The following CTRB2 variants were observed in gnomAD, a reference collection of about 807,000 sequenced individuals.
CTRB2 encodes chymotrypsin B2.
CTRB2 carries 9 observed loss-of-function variants against 19.3 expected under a neutral mutation model. The ratio of observed to expected loss-of-function variants is 0.47; its 90% CI spans 0.28 to 0.81. The LOEUF (loss-of-function observed/expected upper bound fraction) is 0.81, where lower values mean the gene tolerates loss of function less well. Ranked by LOEUF, CTRB2 falls within the 40% of genes least tolerant of loss-of-function variation. The probability of loss-of-function intolerance (pLI) is 0.11; values close to 1 mark genes in which losing one functional copy is unlikely to be tolerated. For missense variants in CTRB2, 210 were observed against 269.7 expected (o/e 0.78, Z 1.55); for synonymous variants, 98 against 117.3 (o/e 0.84, Z 1.06).
intron 6 of CTRB2, 76 bp from the exon 7 acceptor site, chr16:75,204,398 T>C (rs1322823457): frequency 1.4e-6 from 2 of 1,416,596 alleles, no homozygotes; most frequent in Non-Finnish European, 1.9e-6. Context: ...TGGTGGAGTC[T>C]AGGGAGGGGT....
rs1244287658 is a variant in CTRB2, at chr16:75,204,757, G to A, written c.630+16C>T. 6 of 1,299,900 alleles carry A rather than the reference G, an allele frequency of 4.6e-6. No individual in the cohort carries two copies. The African/African-American group carries it at 7.5e-5, about 16-fold the overall frequency. The allele number at this position is 1,299,900 out of a possible 1,614,324, so 80.5% of individuals were successfully genotyped here. A position where few individuals can be genotyped will look rare whatever the true frequency, so the allele number is the denominator to read the frequency against. ...CCCCGCTCGCCTGGCCAGGGCCTGG[G>A]CAGGGCCAGCCTCACCATGCAGGAG... On this transcript the variant is annotated intron_variant, in intron 6 of 6. Transcript: ENST00000303037.
At chr16:75,205,046 G>T in intron 5 of CTRB2, 140 bp from the exon 6 acceptor site, 1 of 293,924 alleles carries the variant, frequency 3.4e-6, no homozygotes, top group South Asian at 2.4e-5. Context: ...AGAAGCGCCT[G>T]TGGGACAAGG....
chr16:75,206,229 C>A (rs558976285), intron 1 of CTRB2, 36 bp from the exon 2 acceptor site: 3 of 1,538,206 alleles, frequency 2.0e-6, no homozygotes, highest in Non-Finnish European at 2.6e-6. Context: ...TGGGTACCAC[C>A]CACCCAGGTC....
rs2038868532 is a variant in CTRB2, at chr16:75,204,310, C to T, written c.643G>A (p.Gly215Ser). ...CCGTCCTTCTGGCAGACCAGGGGGC[C>T]TCCAGAGTCACCCTGCAGGAAGGAG... ...GVSSCMGDSG[G>S]PLVCQKDGAW... is the part of the protein sequence containing the mutation. The change falls in exon 7 of 7, where the codon GGC (glycine) becomes AGC (serine). Residue 215 changes from glycine (G) to serine (S), a missense_variant. Gly to Ser is a moderately conservative substitution (Grantham distance 56, BLOSUM62 0). Transcript: ENST00000303037. The T allele has an allele frequency of 5.0e-6, 8 of 1,613,888 alleles. No individual in the cohort carries two copies. Among genetic ancestry groups the T allele is most frequent in the Non-Finnish European group, 6.8e-6 (8 of 1,180,016 alleles).
intron 1 of CTRB2, chr16:75,206,628 G>A (rs1345217080): frequency 1.6e-5 from 5 of 303,252 alleles, no homozygotes; most frequent in Admixed American, 4.9e-5. Context: ...CCAGCTCTGC[G>A]CCTGGCACCC....
Position 75,205,765 on chromosome 16 carries a change from T to C in CTRB2, c.292A>G (p.Ile98Val), listed in dbSNP as rs1447135621. 2 of 832,056 alleles carry C rather than the reference T, an allele frequency of 2.4e-6. No homozygotes were observed. Among genetic ancestry groups the C allele is most frequent in the East Asian group, 2.8e-5 (1 of 35,600 alleles). The allele number at this position is 832,056 out of a possible 1,614,324, so 51.5% of individuals were successfully genotyped here. A position where few individuals can be genotyped will look rare whatever the true frequency, so the allele number is the denominator to read the frequency against. ...ACCTTGGCGATCTTCAGGACCTGGA[T>C]GTTCTCCTCGTCAGAGCCCTGGTCA... The part of the protein sequence containing the change: ...EFDQGSDEEN[I>V]QVLKIAKVFK... Residue 98 changes from isoleucine (I) to valine (V), a missense_variant, in exon 4 of 7, where the codon ATC becomes GTC. Around this residue, in one of 4 missense-constraint regions of CTRB2, gnomAD observed 6 missense variants for 63.7 expected, o/e 0.09. Transcript: ENST00000303037.
chr16:75,204,925 G>C lies in CTRB2; in HGVS notation c.497-19C>G. 1 of 914,716 alleles carries C rather than the reference G, an allele frequency of 1.1e-6. No homozygotes were observed. Among genetic ancestry groups the C allele is most frequent in the Non-Finnish European group, 1.6e-6 (1 of 631,492 alleles). The allele number at this position is 914,716 out of a possible 1,614,324, so 56.7% of individuals were successfully genotyped here. A position where few individuals can be genotyped will look rare whatever the true frequency, so the allele number is the denominator to read the frequency against. ...TTGTTGGCTGCAGGACAGGAGGAGG[G>C]TCAGGGCCCCTGGGCTCACTCAGCC... is the stretch of plus-strand genomic sequence containing the variant. On this transcript the variant is annotated intron_variant, in intron 5 of 6. Transcript: ENST00000303037.
At position 75,204,119 on chromosome 16, in the gene CTRB2, T is replaced by G. The variant is rs764712699; in HGVS notation, c.*42A>C. 6 of 1,613,204 alleles carry G rather than the reference T, an allele frequency of 3.7e-6. No individual in the cohort carries two copies. Among genetic ancestry groups the G allele is most frequent in the Non-Finnish European group, 5.1e-6 (6 of 1,179,326 alleles). ...AGTCAGGGCTTCTAAACAGATGCATTTAATGGGAAATCTTAAGGCAGGGGT... is the reference window on the plus strand; with the variant it reads ...AGTCAGGGCTTCTAAACAGATGCATGTAATGGGAAATCTTAAGGCAGGGGT... On this transcript the variant is annotated 3_prime_UTR_variant, in exon 7 of 7. Transcript: ENST00000303037.
Position 75,204,154 on chromosome 16 carries a change from T to G in CTRB2, c.*7A>C, listed in dbSNP as rs373944434. On this transcript the variant is annotated 3_prime_UTR_variant, in exon 7 of 7. Coordinates refer to ENST00000303037, the MANE Select transcript of CTRB2 (RefSeq NM_001025200.4). ...ATCTTAAGGCAGGGGTGGCAGGAGC[T>G]GCGGGCTCAGTTGGCGGCCAGGATC... The G allele has an allele frequency of 4.5e-5, 73 of 1,613,988 alleles. 1 individual carries two copies. In the African/African-American group the frequency reaches 9.5e-4, roughly 21 times the overall value.
At chr16:75,206,480 C>G (rs1010548606) in intron 1 of CTRB2, 13 of 509,020 alleles carry the variant, frequency 2.6e-5, no homozygotes, top group African/African-American at 1.7e-4. Flanking sequence ...CCCCGGCGCT[C>G]AGTCTGGGAG....
Position 75,204,141 on chromosome 16 carries a change from G to T in CTRB2, c.*20C>A, listed in dbSNP as rs1425045101. On this transcript the variant is annotated 3_prime_UTR_variant, in exon 7 of 7. Transcript: ENST00000303037. ...CATTTAATGGGAAATCTTAAGGCAGGGGTGGCAGGAGCTGCGGGCTCAGTT... is the reference window on the plus strand; with the variant it reads ...CATTTAATGGGAAATCTTAAGGCAGTGGTGGCAGGAGCTGCGGGCTCAGTT... 3 of 1,613,970 alleles carry T rather than the reference G, an allele frequency of 1.9e-6. No individual in the cohort carries two copies. The highest frequency in any genetic ancestry group is 2.5e-6 in the Non-Finnish European group (3 of 1,179,976).
chr16:75,204,261 A>G lies in CTRB2; in HGVS notation c.692T>C (p.Val231Ala), dbSNP rs976231541. 5 of 1,613,896 alleles carry G rather than the reference A, an allele frequency of 3.1e-6. No homozygotes were observed. In the African/African-American group the frequency reaches 6.7e-5, roughly 22 times the overall value. The change falls in exon 7 of 7, where the codon GTG becomes GCG. Residue 231 changes from valine to alanine, a missense_variant. Val to Ala is a moderately conservative substitution (Grantham distance 64). Coordinates refer to ENST00000303037, the MANE Select transcript of CTRB2 (RefSeq NM_001025200.4). ...AGAGCAGGTGCGGCTGCCCCAGGAC[A>G]CAATGCCCACCAGGGTCCAGGCTCC... The part of the protein sequence containing the change: ...KDGAWTLVGI[V>A]SWGSRTCSTT...
intron 1 of CTRB2, chr16:75,206,573 G>A (rs1370512898): frequency 8.8e-6 from 3 of 340,520 alleles, no homozygotes; most frequent in Non-Finnish European, 5.4e-6. Context: ...TGGGGATCAC[G>A]CTGTTTCTGA....
chr16:75,207,031 C>T lies in CTRB2; in HGVS notation c.52+59G>A, dbSNP rs370542735. 3.1e-5 allele frequency: 47 copies of T among 1,493,086 alleles called. No homozygotes were observed. The African/African-American group carries it at 6.3e-4, about 20-fold the overall frequency. 92.5% of individuals were successfully genotyped at this position (1,493,086 alleles called of 1,614,324 possible). On this transcript the variant is annotated intron_variant, in intron 1 of 6. Coordinates refer to ENST00000303037, the MANE Select transcript of CTRB2 (RefSeq NM_001025200.4). ...CTGGGACCCTGCTGCCTCTTGCTGG[C>T]CTCGGGGCTGGGAGTGAGAGGAGAA...
chr16:75,206,348 G>C lies in CTRB2; in HGVS notation c.53-155C>G, dbSNP rs2038891941. The C allele has an allele frequency of 8.0e-6, 6 of 749,940 alleles. No homozygotes were observed. The South Asian group carries it at 1.1e-4, about 14-fold the overall frequency. The allele number at this position is 749,940 out of a possible 1,614,324, so 46.5% of individuals were successfully genotyped here. On this transcript the variant is annotated intron_variant, in intron 1 of 6. Coordinates refer to ENST00000303037, the MANE Select transcript of CTRB2 (RefSeq NM_001025200.4). ...GTTGGCCCTGGCTCTCCTCTCCGCA[G>C]AGCTGGAATCCCCAGGTACAACTGA...
rs1232356506 is a variant in CTRB2, at chr16:75,204,977, G to A, written c.497-71C>T. 22 of 500,176 alleles carry A rather than the reference G, an allele frequency of 4.4e-5. 2 individuals are homozygous for A. The highest frequency in any genetic ancestry group is 6.3e-5 in the Non-Finnish European group (19 of 303,818). The allele number at this position is 500,176 out of a possible 1,614,324, so 31.0% of individuals were successfully genotyped here. ...AGAGTGGAGGGAGAGACCCGGGGCC[G>A]ACACGCCTGCCCTACCCTGCACCAT... On this transcript the variant is annotated intron_variant, in intron 5 of 6. Coordinates refer to ENST00000303037, the MANE Select transcript of CTRB2 (RefSeq NM_001025200.4).
intron 5 of CTRB2, 126 bp from the exon 6 acceptor site, chr16:75,205,032 C>G: frequency 3.2e-6 from 1 of 316,488 alleles, no homozygotes; most frequent in Non-Finnish European, 5.4e-6. Flanking sequence ...GCCCCTGGAG[C>G]CTCAGAAGCG....
Position 75,205,986 on chromosome 16 carries a change from T to C in CTRB2, c.163A>G (p.Thr55Ala). ...GAGCCCCCGCAGAAGTGGAAGCCGGTTTTGTCCTGTGAGCAAGATGGGGAG... is the reference window on the plus strand; with the variant it reads ...GAGCCCCCGCAGAAGTGGAAGCCGGCTTTGTCCTGTGAGCAAGATGGGGAG... ...WPWQVSLQDK[T>A]GFHFCGGSLI... The change falls in exon 3 of 7, where the codon ACC (threonine) becomes GCC (alanine). Residue 55 changes from threonine to alanine, a missense_variant. This residue lies in a region of CTRB2 where 57 missense variants were observed against 72.6 expected (regional missense o/e 0.79). Coordinates refer to ENST00000303037, the MANE Select transcript of CTRB2 (RefSeq NM_001025200.4). 2.1e-6 allele frequency: 2 copies of C among 969,556 alleles called. No individual in the cohort carries two copies. Among genetic ancestry groups the C allele is most frequent in the Non-Finnish European group, 3.0e-6 (2 of 672,326 alleles). The allele number at this position is 969,556 out of a possible 1,614,324, so 60.1% of individuals were successfully genotyped here. A position where few individuals can be genotyped will look rare whatever the true frequency, so the allele number is the denominator to read the frequency against.
chr16:75,206,608 A>G (rs1017087004), intron 1 of CTRB2: 1 of 306,284 alleles, frequency 3.3e-6, no homozygotes, highest in Non-Finnish European at 6.1e-6. Flanking sequence ...TAGAGTGAGC[A>G]GGCAGAGCGC....
Sources: allele counts gnomAD v4.1 joint callset, GRCh38; gene constraint gnomAD v4.1.1; regional missense constraint gnomAD v4.1.1; transcripts MANE v1.5; gene names NCBI Gene and HGNC (gene_info 2026-07-23, HGNC 2026-07-21).